Variants in MTA3 observed in about 807,000 individuals in gnomAD.
The protein encoded by MTA3 is metastasis associated 1 family member 3.
In MTA3, 34 loss-of-function variants were observed where a neutral mutation model predicts 83.5. The observed-to-expected ratio is 0.41, with a 90% CI of 0.31 to 0.54. The LOEUF is 0.54. MTA3 is among the 20% of genes least tolerant of loss of function. MTA3 has a pLI of 0.33. For synonymous variants in MTA3, 303 were observed against 252.7 expected (o/e 1.20, Z -1.89); for missense variants, 761 against 726.4 (o/e 1.05, Z -0.55).
At chr2:42,515,113 C>G (rs1675080898) in intron 2 of MTA3, among the ~76,000 whole-genome samples, 2 of 152,148 alleles carry the variant, frequency 1.3e-5, no homozygotes, top group South Asian at 4.1e-4. Context: ...GGCTGGAGTG[C>G]AGTGGTGCGA....
At chr2:42,556,596 T>C (rs530551548) in intron 2 of MTA3, among the ~76,000 whole-genome samples, 1 of 152,136 alleles carries the variant, frequency 6.6e-6, no homozygotes, top group Non-Finnish European at 1.5e-5. Context: ...TCTCCCAGCC[T>C]GCCCGATGCT....
At chr2:42,534,441 C>T (rs1464175069) in intron 2 of MTA3, among the ~76,000 whole-genome samples, 7 of 151,960 alleles carry the variant, frequency 4.6e-5, no homozygotes, top group Non-Finnish European at 1.0e-4. Context: ...ACTAAAAATA[C>T]AAAAAATTAG....
rs1341883232 is a variant in MTA3, at chr2:42,718,992, A to G, written c.1530A>G (p.Ala510=). The G allele has an allele frequency of 3.9e-6, 6 of 1,549,880 alleles. No homozygotes were observed. The highest frequency in any genetic ancestry group is 4.4e-6 in the Non-Finnish European group (5 of 1,146,416). The change falls in exon 15 of 17, where the codon GCA becomes GCG. Residue 510 remains alanine (A), a synonymous_variant. Transcript: ENST00000405094. ...CATGTTTCTTTCTCTCCTCAGATGC[A>G]GACAGACATGCTGAACTATCTGGAA... is the stretch of plus-strand genomic sequence containing the variant. The part of the protein sequence containing the change: ...INYAAIRAEY[A]DRHAELSGSP...
intron 12 of MTA3, among the ~76,000 whole-genome samples, chr2:42,705,499 G>A (rs1666000798): frequency 1.3e-5 from 2 of 152,218 alleles, no homozygotes; most frequent in Non-Finnish European, 2.9e-5. Context: ...GAGGTCAGGA[G>A]TTCGAGACCA....
chr2:42,705,141 G>T (rs750615532), intron 12 of MTA3, among the ~76,000 whole-genome samples: 1 of 152,184 alleles, frequency 6.6e-6, no homozygotes, highest in Non-Finnish European at 1.5e-5. Flanking sequence ...CTGTGAGTAC[G>T]ATTACGTCGA....
At chr2:42,610,233 A>G (rs1032104244) in intron 4 of MTA3, among the ~76,000 whole-genome samples, 26 of 152,236 alleles carry the variant, frequency 1.7e-4, no homozygotes, top group African/African-American at 5.8e-4. Flanking sequence ...TCCAGGTTCT[A>G]AGAAAATTAT....
intron 3 of MTA3, among the ~76,000 whole-genome samples, chr2:42,594,728 A>ATATATAT: frequency 7.9e-4 from 19 of 24,042 alleles, no homozygotes; most frequent in South Asian, 4.1e-3. Flanking sequence ...ATATATATAT[A>ATATATAT]TTTTTTTTTT....
At position 42,594,728 on chromosome 2, in the gene MTA3, A is replaced by ATATATATATATATATATTTTTTTTTT; in HGVS notation, c.191-14729_191-14728insATATATATATATATATTTTTTTTTTT. Among the ~76,000 whole-genome samples, 6 of 24,040 alleles carry ATATATATATATATATATTTTTTTTTT rather than the reference A, an allele frequency of 2.5e-4. 1 individual carries two copies. The highest frequency in any genetic ancestry group is 3.2e-4 in the Non-Finnish European group (5 of 15,454). 15.8% of individuals were successfully genotyped at this position (24,040 alleles called of 152,430 possible). On this transcript the variant is annotated intron_variant, in intron 3 of 16. Transcript: ENST00000405094. ...TACATATATATATATATATATATATATTTTTTTTTTTTTTTTGAGACAGAG... is the reference window on the plus strand; with the variant it reads ...TACATATATATATATATATATATATATATATATATATATATATTTTTTTTTTTTTTTTTTTTTTTTTTGAGACAGAG...
chr2:42,640,269 C>A, intron 5 of MTA3, 33 bp downstream of exon 5: 1 of 1,470,928 alleles, frequency 6.8e-7, no homozygotes, highest in Non-Finnish European at 9.3e-7. Context: ...TTGTTTTTTT[C>A]TCCCTTTATT....
intron 2 of MTA3, among the ~76,000 whole-genome samples, chr2:42,525,422 A>G (rs367870788): frequency 6.7e-6 from 1 of 149,392 alleles, no homozygotes; most frequent in Non-Finnish European, 1.5e-5. Context: ...TTGGTCTTGC[A>G]CTCCTGAGCT....
intron 16 of MTA3, among the ~76,000 whole-genome samples, chr2:42,744,839 A>G (rs1215427507): frequency 6.6e-6 from 1 of 152,234 alleles, no homozygotes; most frequent in Non-Finnish European, 1.5e-5. Context: ...GAACAACCCC[A>G]GAAACCAATT....
intron 2 of MTA3, among the ~76,000 whole-genome samples, chr2:42,561,528 G>A (rs1354309445): frequency 1.3e-5 from 2 of 151,898 alleles, no homozygotes; most frequent in Non-Finnish European, 2.9e-5. Flanking sequence ...TCACCATGTT[G>A]GCCAGGCTGG....
chr2:42,662,073 C>T (rs979056410), intron 8 of MTA3, among the ~76,000 whole-genome samples: 1 of 152,040 alleles, frequency 6.6e-6, no homozygotes, highest in Non-Finnish European at 1.5e-5. Context: ...TTGCCATTTG[C>T]CCATTATTGA....
intron 3 of MTA3, among the ~76,000 whole-genome samples, chr2:42,582,628 T>A (rs558631135): frequency 1.1e-4 from 17 of 152,178 alleles, no homozygotes; most frequent in Admixed American, 9.2e-4. Context: ...ACTCTATTTT[T>A]AAAAAAATTA....
At chr2:42,612,368 C>A (rs1266000224) in intron 4 of MTA3, among the ~76,000 whole-genome samples, 1 of 151,986 alleles carries the variant, frequency 6.6e-6, no homozygotes, top group African/African-American at 2.4e-5. Flanking sequence ...GCTTGTGCCA[C>A]CATGCCTGGC....
intron 8 of MTA3, among the ~76,000 whole-genome samples, chr2:42,673,852 A>G (rs1209655970): frequency 5.3e-5 from 8 of 152,336 alleles, no homozygotes; most frequent in African/African-American, 1.9e-4. Context: ...AATAATTCCG[A>G]AAAAGATCAG....
chr2:42,554,698 G>C (rs930466979), intron 2 of MTA3, among the ~76,000 whole-genome samples: 3 of 152,176 alleles, frequency 2.0e-5, no homozygotes, highest in African/African-American at 4.8e-5. Context: ...CTCAAATCTG[G>C]AGGGTGGTGG....
intron 16 of MTA3, among the ~76,000 whole-genome samples, chr2:42,745,205 T>A (rs183680463): frequency 6.6e-6 from 1 of 152,360 alleles, no homozygotes; most frequent in East Asian, 1.9e-4. Context: ...GTGATTAATG[T>A]GAAACCAAGG....
chr2:42,755,089 G>T lies in MTA3; in HGVS notation c.*1690G>T. ...GTGGCAGGCAGGGGTTCTCCTCAGG[G>T]TTCCCACTGAGGGGTCCCTTCAGCA... is the stretch of plus-strand genomic sequence containing the variant. On this transcript the variant is annotated 3_prime_UTR_variant, in exon 17 of 17. Coordinates refer to ENST00000405094, the MANE Select transcript of MTA3 (RefSeq NM_001330442.2). The T allele has an allele frequency of 2.0e-6, 2 of 985,518 alleles. No individual in the cohort carries two copies. The highest frequency in any genetic ancestry group is 2.4e-6 in the Non-Finnish European group (2 of 830,042). 61.0% of individuals were successfully genotyped at this position (985,518 alleles called of 1,614,324 possible).
Sources: gnomAD v4.1 joint callset for allele counts (sites outside exome capture counted in the v4.1 genomes callset) on GRCh38, gnomAD v4.1.1 for gene constraint, MANE v1.5 for transcripts, NCBI Gene and HGNC (gene_info 2026-07-23, HGNC 2026-07-21) for gene names.